FOXN3: variants seen among roughly 807,000 people sequenced by gnomAD.
FOXN3 encodes forkhead box N3, also known as forkhead box protein N3.
A neutral mutation model predicts 38.4 loss-of-function variants in FOXN3; 7 were observed. The observed-to-expected ratio is 0.18, with a 90% CI of 0.10 to 0.34. The LOEUF (loss-of-function observed/expected upper bound fraction) is 0.34, where lower values mean the gene tolerates loss of function less well. FOXN3 is among the 10% of genes least tolerant of loss of function. The pLI, the probability that FOXN3 is intolerant of heterozygous loss-of-function variation, is 1.00. For synonymous variants in FOXN3, 230 were observed against 242.2 expected (o/e 0.95, Z 0.47); for missense variants, 456 against 613.4 (o/e 0.74, Z 2.71).
At position 89,487,522 on chromosome 14, in the gene FOXN3, T is replaced by C. The variant is rs139564855; in HGVS notation, c.-14-75032A>G. The stretch of plus-strand genomic sequence containing the variant: ...AAGTAGGGCCCAGAAATCTGTGTTT[T>C]AACAAGTCCTCCAAGTAATTCTGAT... On this transcript the variant is annotated intron_variant, in intron 1 of 6. Transcript: ENST00000345097. 3.6e-3 allele frequency among the ~76,000 whole-genome samples: 555 copies of C among 152,328 alleles called. 1 individual carries two copies. Among genetic ancestry groups the C allele is most frequent in the African/African-American group, 0.013 (521 of 41,578 alleles).
chr14:89,290,858 G>A (rs747667481), intron 3 of FOXN3: 8 of 286,388 alleles, frequency 2.8e-5, no homozygotes, highest in Non-Finnish European at 5.5e-5. Context: ...ATGAAGGAGA[G>A]GACTTTTCTT....
rs374333609 is a variant in FOXN3 at position 89,566,828 on chromosome 14, TTCC to T, written c.-15+52197_-15+52199del. Among the ~76,000 whole-genome samples the T allele has an allele frequency of 2.4e-3, 353 of 150,048 alleles. 2 individuals are homozygous for T. The highest frequency in any genetic ancestry group is 7.9e-3 in the African/African-American group (325 of 40,900). On this transcript the variant is annotated intron_variant, in intron 1 of 6. Transcript: ENST00000345097. ...CTCCACCTCCTCATCCCCTACTCCC[TTCC>T]TCCTCCTCCTCCTCCACCTCCTCTT...
In FOXN3 at chr14:89,513,327, C is replaced by CTGGAGTG. The variant is rs1413289807; in HGVS notation, c.-14-100838_-14-100837insCACTCCA. Among the ~76,000 whole-genome samples, 14 of 148,354 alleles carry CTGGAGTG rather than the reference C, an allele frequency of 9.4e-5. No homozygotes were observed. The South Asian group carries it at 2.8e-3, about 30-fold the overall frequency. ...GTGGCCCAGGCTGGAGTGCAGTGGC[C>CTGGAGTG]CAATCATAGCTCTCAGCCTCCTGAG... On this transcript the variant is annotated intron_variant, in intron 1 of 6. Coordinates refer to the FOXN3 transcript ENST00000345097.
At chr14:89,389,866 G>C (rs1890887220) in intron 2 of FOXN3, among the ~76,000 whole-genome samples, 1 of 151,954 alleles carries the variant, frequency 6.6e-6, no homozygotes, top group Non-Finnish European at 1.5e-5. Flanking sequence ...GAACAATAAG[G>C]CTCTTTACAA....
At chr14:89,297,105 G>T (rs190110583) in intron 3 of FOXN3, among the ~76,000 whole-genome samples, 2 of 148,928 alleles carry the variant, frequency 1.3e-5, no homozygotes, top group East Asian at 3.9e-4. Flanking sequence ...CATACGGAAG[G>T]AGAATAGCAT....
intron 2 of FOXN3, among the ~76,000 whole-genome samples, chr14:89,397,058 T>C (rs10137993): frequency 0.059 from 9,032 of 152,064 alleles, 556 homozygotes; most frequent in African/African-American, 0.15. Context: ...TAATGACAGA[T>C]TGCATAAAGA....
At chr14:89,166,226 G>C (rs528141927) in intron 5 of FOXN3, among the ~76,000 whole-genome samples, 3 of 152,130 alleles carry the variant, frequency 2.0e-5, no homozygotes, top group African/African-American at 4.8e-5. Context: ...GAATGGTTTC[G>C]AGCCTGAGAA....
chr14:89,211,403 C>A (rs1350568007), intron 4 of FOXN3, among the ~76,000 whole-genome samples: 1 of 152,212 alleles, frequency 6.6e-6, no homozygotes, highest in East Asian at 1.9e-4. Flanking sequence ...CAACTCCAAC[C>A]ACTGAATCTC....
intron 3 of FOXN3, among the ~76,000 whole-genome samples, chr14:89,289,220 A>C (rs1350080992): frequency 1.6e-5 from 2 of 128,358 alleles, no homozygotes; most frequent in East Asian, 4.8e-4. Context: ...AAAAGAAAAG[A>C]AAAAGCATGT....
rs539366786 is a variant in FOXN3 at position 89,429,506 on chromosome 14, C to G, written c.-14-17016G>C. ...AGCTCATTTCATCCACCTCATTCCCCCATTCTCTCTGGCAGACACAACTGA... is the reference window on the plus strand; with the variant it reads ...AGCTCATTTCATCCACCTCATTCCCGCATTCTCTCTGGCAGACACAACTGA... On this transcript the variant is annotated intron_variant, in intron 1 of 6. Coordinates refer to the FOXN3 transcript ENST00000345097. 1.1e-3 allele frequency among the ~76,000 whole-genome samples: 167 copies of G among 152,192 alleles called. 1 individual carries two copies. The highest frequency in any genetic ancestry group is 3.9e-3 in the African/African-American group (160 of 41,524).
chr14:89,548,886 A>G lies in FOXN3; in HGVS notation c.-15+70142T>C, dbSNP rs1300339015. On this transcript the variant is annotated intron_variant, in intron 1 of 6. Coordinates refer to the FOXN3 transcript ENST00000345097. This position sits in a 1 kb window ranked among gnomAD's most constrained non-coding sequence, Gnocchi z 4.8. ...GTAATCCCAGCACTTTTGGAGGCCAAGGCAGGTGGATCACCTAAGGTCAGG... is the reference window on the plus strand; with the variant it reads ...GTAATCCCAGCACTTTTGGAGGCCAGGGCAGGTGGATCACCTAAGGTCAGG... Among the ~76,000 whole-genome samples the G allele has an allele frequency of 1.3e-5, 2 of 152,198 alleles. No homozygotes were observed. Among genetic ancestry groups the G allele is most frequent in the African/African-American group, 2.4e-5 (1 of 41,456 alleles).
intron 1 of FOXN3, among the ~76,000 whole-genome samples, chr14:89,509,109 C>A (rs1894005813): frequency 6.6e-6 from 1 of 152,084 alleles, no homozygotes; most frequent in South Asian, 2.1e-4. Flanking sequence ...CCACCCTGAC[C>A]TCCCTGATAG....
intron 1 of FOXN3, among the ~76,000 whole-genome samples, chr14:89,527,430 T>C (rs1217010582): frequency 6.6e-6 from 1 of 152,140 alleles, no homozygotes; most frequent in African/African-American, 2.4e-5. Context: ...TTTAAGAGAA[T>C]GAAAAGACAA....
At chr14:89,285,280 G>T (rs1886590491) in intron 3 of FOXN3, among the ~76,000 whole-genome samples, 1 of 152,204 alleles carries the variant, frequency 6.6e-6, no homozygotes, top group Non-Finnish European at 1.5e-5. Flanking sequence ...CAGCACTTTG[G>T]GAGGCCAAGG....
intron 3 of FOXN3, among the ~76,000 whole-genome samples, chr14:89,347,883 G>A (rs965392514): frequency 6.6e-6 from 1 of 152,150 alleles, no homozygotes; most frequent in Non-Finnish European, 1.5e-5. Flanking sequence ...GAACCCAGGA[G>A]GCGGAGGTTG....
intron 3 of FOXN3, among the ~76,000 whole-genome samples, chr14:89,342,352 C>G (rs1411986236): frequency 2.6e-5 from 4 of 152,144 alleles, no homozygotes; most frequent in Admixed American, 6.5e-5. Flanking sequence ...GGACTGTTTT[C>G]CATTTAAATA....
chr14:89,512,984 A>G (rs1894122916), intron 1 of FOXN3, among the ~76,000 whole-genome samples: 1 of 152,020 alleles, frequency 6.6e-6, no homozygotes, highest in African/African-American at 2.4e-5. Flanking sequence ...TGCTAAAAAT[A>G]CAAACATTAG....
intron 1 of FOXN3, among the ~76,000 whole-genome samples, chr14:89,529,785 T>C (rs980267867): frequency 1.3e-5 from 2 of 152,020 alleles, no homozygotes; most frequent in Non-Finnish European, 2.9e-5. Context: ...CACACACCTG[T>C]AGTTTTGAGT....
intron 4 of FOXN3, among the ~76,000 whole-genome samples, chr14:89,221,980 G>A (rs558950451): frequency 1.1e-3 from 163 of 152,200 alleles, no homozygotes; most frequent in African/African-American, 2.4e-3. Context: ...CCGCCACGGC[G>A]CCCGGCTAAT....
Sources: gnomAD v4.1 joint callset for allele counts (sites outside exome capture counted in the v4.1 genomes callset) on GRCh38, gnomAD v4.1.1 for gene constraint, Gnocchi (gnomAD v3.1) non-coding constraint, MANE v1.5 for transcripts, NCBI Gene and HGNC (gene_info 2026-07-23, HGNC 2026-07-21) for gene names.